Variants in DCDC1 observed in about 807,000 individuals in gnomAD.
DCDC1 encodes the protein doublecortin domain containing 1.
Under a neutral mutation model 178.3 loss-of-function variants are expected in DCDC1, and 200 were observed. That is an observed-to-expected ratio of 1.12 (90% CI 1.00 to 1.26). DCDC1 has a LOEUF of 1.26. DCDC1 is among the 50% of genes most tolerant of loss of function. DCDC1 has a pLI of 0.00. For missense variants in DCDC1, 1,983 were observed against 1,749.2 expected (o/e 1.13, Z -2.38); for synonymous variants, 690 against 604.8 (o/e 1.14, Z -2.07).
At position 31,085,786 on chromosome 11, in the gene DCDC1, C is replaced by T. The variant is rs149899089; in HGVS notation, c.2237+5607G>A. Among the ~76,000 whole-genome samples the T allele has an allele frequency of 2.0e-3, 303 of 152,212 alleles. 1 individual carries two copies. The highest frequency in any genetic ancestry group is 7.0e-3 in the African/African-American group (291 of 41,530). On this transcript the variant is annotated intron_variant, in intron 17 of 38. Transcript: ENST00000684477. ...GCAGTGGTGCAATCACGGCTCACTGCTGCATCGACCTTCCAGGCTCAAACA... is the reference window on the plus strand; with the variant it reads ...GCAGTGGTGCAATCACGGCTCACTGTTGCATCGACCTTCCAGGCTCAAACA...
chr11:31,343,550 G>T (rs1406094016), intron 1 of DCDC1, among the ~76,000 whole-genome samples: 1 of 152,034 alleles, frequency 6.6e-6, no homozygotes, highest in Non-Finnish European at 1.5e-5. Context: ...CAGGTGATCT[G>T]CCCATCTTGG....
At chr11:31,322,060 T>C (rs955936122) in intron 3 of DCDC1, among the ~76,000 whole-genome samples, 8 of 152,214 alleles carry the variant, frequency 5.3e-5, no homozygotes, top group Admixed American at 1.3e-4. Flanking sequence ...TTTGTATAAA[T>C]TGATGTCCTG....
At chr11:31,242,077 T>C (rs1475960104) in intron 8 of DCDC1, among the ~76,000 whole-genome samples, 1 of 151,982 alleles carries the variant, frequency 6.6e-6, no homozygotes, top group Non-Finnish European at 1.5e-5. Context: ...TCCACACCTT[T>C]ATAAACCATC....
chr11:30,975,679 AAAC>A (rs1466540872), intron 20 of DCDC1, among the ~76,000 whole-genome samples: 3 of 152,054 alleles, frequency 2.0e-5, no homozygotes, highest in African/African-American at 7.2e-5. Context: ...TCTACAAGGA[AAAC>A]AACAATACAC....
chr11:30,895,684 T>C (rs151135283), intron 34 of DCDC1, among the ~76,000 whole-genome samples: 2 of 152,348 alleles, frequency 1.3e-5, no homozygotes, highest in African/African-American at 2.4e-5. Context: ...ATGCAATTTA[T>C]GGATGTGAAG....
At chr11:30,908,865 G>A in intron 29 of DCDC1, 81 bp downstream of exon 29, 3 of 1,328,040 alleles carry the variant, frequency 2.3e-6, no homozygotes, top group East Asian at 2.6e-5. Context: ...AGTTTTCTAG[G>A]GAAAAAAATT....
intron 9 of DCDC1, among the ~76,000 whole-genome samples, chr11:31,237,200 C>T (rs1348049610): frequency 6.6e-6 from 1 of 151,810 alleles, no homozygotes; most frequent in Non-Finnish European, 1.5e-5. Flanking sequence ...CCAACATTAA[C>T]TTACACAATT....
chr11:30,919,751 G>T (rs1298296302), intron 25 of DCDC1, among the ~76,000 whole-genome samples: 1 of 152,142 alleles, frequency 6.6e-6, no homozygotes, highest in Non-Finnish European at 1.5e-5. Context: ...ATTGAGGATA[G>T]AAACAATTAA....
At chr11:31,137,922 CT>C in intron 9 of DCDC1, 138 bp from the exon 10 acceptor site, 1 of 550,068 alleles carries the variant, frequency 1.8e-6, no homozygotes, top group Non-Finnish European at 3.2e-6. Context: ...AAAATAAACT[CT>C]GAATTTCATT....
At chr11:31,027,157 A>G (rs1438754016) in intron 20 of DCDC1, among the ~76,000 whole-genome samples, 1 of 151,884 alleles carries the variant, frequency 6.6e-6, no homozygotes, top group Non-Finnish European at 1.5e-5. Flanking sequence ...TTTACAAACT[A>G]AGAAAAATGA....
chr11:31,314,326 C>T (rs1444137897), intron 3 of DCDC1: 1 of 152,168 alleles, frequency 6.6e-6, no homozygotes, highest in Non-Finnish European at 1.5e-5. Context: ...CTTTAAAAAT[C>T]TATTTATATA....
intron 6 of DCDC1, among the ~76,000 whole-genome samples, chr11:31,292,575 A>T (rs1255740952): frequency 6.6e-6 from 1 of 152,198 alleles, no homozygotes; most frequent in Admixed American, 6.5e-5. Context: ...CATCTATAAA[A>T]ACAGAACATA....
At chr11:31,122,387 C>A (rs931999367) in intron 11 of DCDC1, among the ~76,000 whole-genome samples, 3 of 152,090 alleles carry the variant, frequency 2.0e-5, no homozygotes, top group Non-Finnish European at 2.9e-5. Context: ...CCTGCCTATA[C>A]AATAAAATCA....
intron 11 of DCDC1, among the ~76,000 whole-genome samples, chr11:31,115,073 T>C (rs1297501863): frequency 6.6e-6 from 1 of 152,178 alleles, no homozygotes; most frequent in Non-Finnish European, 1.5e-5. Context: ...AATATAACTG[T>C]TCACAGAGAG....
Position 30,909,084 on chromosome 11 carries a change from A to C in DCDC1, c.3780T>G (p.Asn1260Lys). Residue 1260 changes from asparagine to lysine, a missense_variant, in exon 29 of 39, where the codon AAT becomes AAG. Asn to Lys is a moderately conservative substitution (Grantham distance 94). Transcript: ENST00000684477. ...KYKPYNNGAA[N>K]QKWHYMKNIK... ...TATTTTTCATGTAATGCCACTTTTG[A>C]TTGGCAGCTCCATTGTTGTACGGCT... 6.2e-7 allele frequency: 1 copy of C among 1,611,498 alleles called. No individual in the cohort carries two copies. Among genetic ancestry groups the C allele is most frequent in the Non-Finnish European group, 8.5e-7 (1 of 1,178,348 alleles).
At chr11:31,019,461 A>G (rs1952719441) in intron 20 of DCDC1, among the ~76,000 whole-genome samples, 1 of 152,170 alleles carries the variant, frequency 6.6e-6, no homozygotes, top group South Asian at 2.1e-4. Flanking sequence ...GGTGATATCT[A>G]AAGAGTACCA....
At chr11:31,304,645 A>T (rs1948335221) in intron 6 of DCDC1, among the ~76,000 whole-genome samples, 1 of 152,112 alleles carries the variant, frequency 6.6e-6, no homozygotes, top group Non-Finnish European at 1.5e-5. Context: ...CAGAAGGGAG[A>T]TTTTTATCAC....
At chr11:31,261,014 T>C (rs1314124239) in intron 8 of DCDC1, among the ~76,000 whole-genome samples, 4 of 152,216 alleles carry the variant, frequency 2.6e-5, no homozygotes, top group African/African-American at 9.7e-5. Flanking sequence ...AAAATAGTTG[T>C]ATATTCTCTG....
chr11:30,872,091 C>T (rs1203129695), intron 38 of DCDC1, among the ~76,000 whole-genome samples: 1 of 152,152 alleles, frequency 6.6e-6, no homozygotes, highest in Non-Finnish European at 1.5e-5. Context: ...GCACTACGTA[C>T]AAGGCCCTCA....
Sources: allele counts gnomAD v4.1 joint callset (sites outside exome capture counted in the v4.1 genomes callset), GRCh38; gene constraint gnomAD v4.1.1; transcripts MANE v1.5; gene names NCBI Gene and HGNC (gene_info 2026-07-23, HGNC 2026-07-21).